MROH9: variants seen among roughly 807,000 people sequenced by gnomAD.
MROH9 encodes the protein maestro heat like repeat family member 9.
A neutral mutation model predicts 98.2 loss-of-function variants in MROH9; 92 were observed. That is an observed-to-expected ratio of 0.94 (90% CI 0.79 to 1.11). The LOEUF is 1.11. Among genes scored for constraint, MROH9 ranks in the 50% most tolerant of loss-of-function variants. The probability of loss-of-function intolerance (pLI) is 0.00; values close to 1 mark genes in which losing one functional copy is unlikely to be tolerated. For synonymous variants in MROH9, 397 were observed against 368.9 expected (o/e 1.08, Z -0.87); for missense variants, 1,057 against 1,014.8 (o/e 1.04, Z -0.57).
chr1:171,016,254 G>A lies in MROH9; in HGVS notation c.1826G>A (p.Arg609Lys), dbSNP rs538303564. ...NVVLQALLTL[R>K]RLLNELDKVT... ...GTACTTCAGGCCTTGCTCACCCTTAGAAGGCTTTTAAACGAACTGGACAAA... is the reference window on the plus strand; with the variant it reads ...GTACTTCAGGCCTTGCTCACCCTTAAAAGGCTTTTAAACGAACTGGACAAA... Residue 609 changes from arginine to lysine, a missense_variant, in exon 17 of 22, where the codon AGA (arginine) becomes AAA (lysine). Physicochemically the swap from Arg to Lys is conservative, Grantham distance 26 (BLOSUM62 2). Coordinates refer to ENST00000367759, the MANE Select transcript of MROH9 (RefSeq NM_001163629.2). The A allele has an allele frequency of 6.5e-7, 1 of 1,540,802 alleles. No homozygotes were observed. Among genetic ancestry groups the A allele is most frequent in the Non-Finnish European group, 8.8e-7 (1 of 1,142,152 alleles).
At chr1:170,997,168 T>C (rs985381293) in intron 14 of MROH9, among the ~76,000 whole-genome samples, 3 of 152,160 alleles carry the variant, frequency 2.0e-5, no homozygotes, top group Non-Finnish European at 2.9e-5. Context: ...AGAATCAAAA[T>C]ACGGGCTGTT....
At chr1:171,013,639 T>C (rs188932839) in intron 15 of MROH9, among the ~76,000 whole-genome samples, 212 of 152,258 alleles carry the variant, frequency 1.4e-3, no homozygotes, top group African/African-American at 4.5e-3. Context: ...GTACATAGTA[T>C]AGTATCAGTC....
At chr1:171,047,803 G>T (rs1653512528) in intron 20 of MROH9, among the ~76,000 whole-genome samples, 2 of 152,156 alleles carry the variant, frequency 1.3e-5, no homozygotes, top group African/African-American at 4.8e-5. Context: ...TGTCCTTCTT[G>T]GGAAGGCTTT....
rs190384424 is a variant in MROH9, at chr1:170,981,526, C to T, written c.617-1896C>T. Among the ~76,000 whole-genome samples, 60 of 152,178 alleles carry T rather than the reference C, an allele frequency of 3.9e-4. No individual in the cohort carries two copies. The South Asian group carries it at 7.3e-3, about 18-fold the overall frequency. On this transcript the variant is annotated intron_variant, in intron 8 of 21. Transcript: ENST00000367759. ...AACACAGGAACAGAAAACCAAACCACGTGTTCTCACTCTTAAGTGGGAGTT... is the reference window on the plus strand; with the variant it reads ...AACACAGGAACAGAAAACCAAACCATGTGTTCTCACTCTTAAGTGGGAGTT...
At chr1:170,977,106 A>G (rs371273420) in intron 8 of MROH9, among the ~76,000 whole-genome samples, 9 of 152,006 alleles carry the variant, frequency 5.9e-5, no homozygotes, top group African/African-American at 1.7e-4. Flanking sequence ...AGGTTTTTTT[A>G]TACTGGCTAT....
chr1:170,941,188 G>T (rs1239905615), intron 1 of MROH9, among the ~76,000 whole-genome samples: 1 of 152,076 alleles, frequency 6.6e-6, no homozygotes, highest in Admixed American at 6.5e-5. Flanking sequence ...GTACTCCCCA[G>T]AAGGTCTGAT....
At chr1:170,984,848 G>A (rs945307167) in intron 9 of MROH9, among the ~76,000 whole-genome samples, 1 of 152,152 alleles carries the variant, frequency 6.6e-6, no homozygotes, top group East Asian at 1.9e-4. Flanking sequence ...GGGACTTCCA[G>A]TAGTAGATGG....
At chr1:170,991,185 C>T (rs1651341073) in intron 11 of MROH9, among the ~76,000 whole-genome samples, 1 of 152,148 alleles carries the variant, frequency 6.6e-6, no homozygotes, top group Non-Finnish European at 1.5e-5. Flanking sequence ...TGAACTTAAT[C>T]AAAGCTGCTA....
intron 15 of MROH9, among the ~76,000 whole-genome samples, chr1:171,001,597 G>A (rs995620397): frequency 6.6e-6 from 1 of 152,062 alleles, no homozygotes; most frequent in Non-Finnish European, 1.5e-5. Flanking sequence ...TTTCACTGTG[G>A]TCTGAGAGAG....
intron 20 of MROH9, among the ~76,000 whole-genome samples, chr1:171,048,278 G>A (rs1653529242): frequency 6.6e-6 from 1 of 152,206 alleles, no homozygotes; most frequent in Admixed American, 6.5e-5. Context: ...GGGTTGTCCA[G>A]GAGCCAGGGA....
intron 20 of MROH9, among the ~76,000 whole-genome samples, chr1:171,045,925 A>G (rs1653458909): frequency 6.6e-6 from 1 of 152,132 alleles, no homozygotes; most frequent in African/African-American, 2.4e-5. Context: ...ATTGAAGCCC[A>G]TCTCTCTCTT....
At chr1:171,054,607 A>C (rs1653771212) in intron 20 of MROH9, among the ~76,000 whole-genome samples, 1 of 152,210 alleles carries the variant, frequency 6.6e-6, no homozygotes, top group Non-Finnish European at 1.5e-5. Context: ...AGTGGGAGAA[A>C]ATCTTCACAA....
chr1:171,021,473 G>C (rs567695252), intron 17 of MROH9, among the ~76,000 whole-genome samples: 3 of 152,210 alleles, frequency 2.0e-5, no homozygotes, highest in African/African-American at 7.2e-5. Flanking sequence ...ACAATCATCT[G>C]ATCTTCAACA....
At chr1:171,051,993 T>C (rs1557914807) in intron 20 of MROH9, among the ~76,000 whole-genome samples, 1 of 152,172 alleles carries the variant, frequency 6.6e-6, no homozygotes, top group Non-Finnish European at 1.5e-5. Context: ...ATTGCTTGTA[T>C]GTCTAGTAGA....
intron 7 of MROH9, among the ~76,000 whole-genome samples, chr1:170,966,683 A>T (rs1272039481): frequency 6.6e-6 from 1 of 152,118 alleles, no homozygotes; most frequent in Non-Finnish European, 1.5e-5. Context: ...TGTTCTTTGT[A>T]TCATGCTAAT....
chr1:171,024,784 T>A lies in MROH9; in HGVS notation c.2178+19T>A. 7.2e-7 allele frequency: 1 copy of A among 1,384,852 alleles called. No individual in the cohort carries two copies. The allele number at this position is 1,384,852 out of a possible 1,614,324, so 85.8% of individuals were successfully genotyped here. A position where few individuals can be genotyped will look rare whatever the true frequency, so the allele number is the denominator to read the frequency against. Reference sequence around the variant, plus strand: ...CAATCTTGTAAGTGGCCCTTCCATTTTTACTACTATAAGAGTTGTAGACAA... The same window carrying A: ...CAATCTTGTAAGTGGCCCTTCCATTATTACTACTATAAGAGTTGTAGACAA... On this transcript the variant is annotated intron_variant, in intron 19 of 21. Coordinates refer to ENST00000367759, the MANE Select transcript of MROH9 (RefSeq NM_001163629.2).
chr1:171,021,360 T>C (rs1652513106), intron 17 of MROH9, among the ~76,000 whole-genome samples: 1 of 152,110 alleles, frequency 6.6e-6, no homozygotes, highest in South Asian at 2.1e-4. Context: ...CTTCAAACTA[T>C]ACTACAAGGC....
At chr1:171,014,955 A>C (rs1652279152) in intron 16 of MROH9, 1 of 471,294 alleles carries the variant, frequency 2.1e-6, no homozygotes, top group African/African-American at 2.0e-5. Flanking sequence ...AAAGCTGAGA[A>C]CAACAATCTT....
intron 20 of MROH9, among the ~76,000 whole-genome samples, chr1:171,044,446 G>T (rs535237590): frequency 6.6e-6 from 1 of 152,104 alleles, no homozygotes; most frequent in African/African-American, 2.4e-5. Context: ...GTATTTGTCT[G>T]GTTTTGATAT....
Sources: allele counts gnomAD v4.1 joint callset (sites outside exome capture counted in the v4.1 genomes callset), GRCh38; gene constraint gnomAD v4.1.1; transcripts MANE v1.5; gene names NCBI Gene and HGNC (gene_info 2026-07-23, HGNC 2026-07-21).